Variants in PSG8 observed in about 807,000 individuals in gnomAD.
PSG8 encodes the protein pregnancy specific beta-1-glycoprotein 8.
In PSG8, 57 loss-of-function variants were observed where a neutral mutation model predicts 42.5. The observed-to-expected ratio is 1.34, with a 90% confidence interval of 1.08 to 1.67. The LOEUF is 1.67. PSG8 is among the 40% of genes most tolerant of loss of function. The pLI is 0.00. For synonymous variants in PSG8, 280 were observed against 196.8 expected (o/e 1.42, Z -3.54); for missense variants, 783 against 518.6 (o/e 1.51, Z -4.95).
chr19:42,757,073 A>G (rs1969945241), intron 3 of PSG8, among the ~76,000 whole-genome samples: 2 of 152,128 alleles, frequency 1.3e-5, no homozygotes, highest in Admixed American at 6.6e-5. Flanking sequence ...ACTTATTCCA[A>G]AATATTTTAT....
In PSG8 at chr19:42,759,584, C is replaced by G. The variant is rs538427591; in HGVS notation, c.431-1304G>C. Reference sequence around the variant, plus strand: ...CAGTGAGCACTTCTTTTTAGCATCACATCAGTGGTCAGAAGTGTTGAGTTT... The same window carrying G: ...CAGTGAGCACTTCTTTTTAGCATCAGATCAGTGGTCAGAAGTGTTGAGTTT... On this transcript the variant is annotated intron_variant, in intron 2 of 4. Coordinates refer to ENST00000306511, the MANE Select transcript of PSG8 (RefSeq NM_182707.3). Among the ~76,000 whole-genome samples, 158 of 152,248 alleles carry G rather than the reference C, an allele frequency of 1.0e-3. 2 individuals carry two copies. Among genetic ancestry groups the G allele is most frequent in the African/African-American group, 3.7e-3 (155 of 41,544 alleles).
intron 2 of PSG8, among the ~76,000 whole-genome samples, chr19:42,761,122 G>A (rs1970062368): frequency 6.6e-6 from 1 of 152,130 alleles, no homozygotes; most frequent in Non-Finnish European, 1.5e-5. Context: ...TCCGTGCAAA[G>A]ATTACAACAG....
At position 42,758,018 on chromosome 19, in the gene PSG8, G is replaced by A. The variant is rs779904614; in HGVS notation, c.693C>T (p.Phe231=). 1.2e-6 allele frequency: 2 copies of A among 1,614,074 alleles called. No individual in the cohort carries two copies. Among genetic ancestry groups the A allele is most frequent in the Non-Finnish European group, 1.7e-6 (2 of 1,179,962 alleles). ...AATACTCACGGAGGAGATTCAGGGT[G>A]AATGGGTCACTGCGGCTGGCACTCA... The part of the protein sequence containing the change: ...NPVSASRSDP[F]TLNLLPKLPK... The change falls in exon 3 of 5, where the codon TTC becomes TTT. Residue 231 remains phenylalanine, a synonymous_variant. Transcript: ENST00000306511.
intron 2 of PSG8, chr19:42,759,053 T>C (rs1970007475): frequency 6.6e-6 from 1 of 152,144 alleles, no homozygotes; most frequent in African/African-American, 2.4e-5. Flanking sequence ...GTGAGGACCA[T>C]GTGGATCTTT....
At chr19:42,764,425 C>A in intron 1 of PSG8, 144 bp from the exon 2 acceptor site, 1 of 1,395,738 alleles carries the variant, frequency 7.2e-7, no homozygotes, top group Non-Finnish European at 9.7e-7. Flanking sequence ...CACACACACA[C>A]ACAAAAGCGG....
rs765268200 is a variant in PSG8 at position 42,754,463 on chromosome 19, C to A, written c.1113G>T (p.Lys371Asn). 6.2e-7 allele frequency: 1 copy of A among 1,613,836 alleles called. No homozygotes were observed. The highest frequency in any genetic ancestry group is 1.3e-5 in the African/African-American group (1 of 74,904). ...AGAGCTTTTGTCCTGATAGCTGAAA[C>A]TTCCCATTAATTGTCCAAGAATACT... The part of the protein sequence containing the change: ...PAQYSWTING[K>N]FQLSGQKLFI... Residue 371 changes from lysine to asparagine, a missense_variant, in exon 5 of 5, where the codon AAG (lysine) becomes AAT (asparagine). Transcript: ENST00000306511.
rs780177782 is a variant in PSG8, at chr19:42,755,266, G to A, written c.710C>T (p.Pro237Leu). Reference sequence around the variant, plus strand: ...GGTGATGTAGGGCTTGGGCAGCTTCGCTGTGTGGATAACAGAGAGAAGATT... The same window carrying A: ...GGTGATGTAGGGCTTGGGCAGCTTCACTGTGTGGATAACAGAGAGAAGATT... Reference protein sequence around the residue: ...RSDPFTLNLLPKLPKPYITIN... With the variant: ...RSDPFTLNLLLKLPKPYITIN... Residue 237 changes from proline to leucine, a missense_variant and splice_region_variant, in exon 4 of 5, where the codon CCG becomes CTG. Physicochemically the swap from Pro to Leu is moderately conservative, Grantham distance 98. Transcript: ENST00000306511. The A allele has an allele frequency of 4.3e-5, 69 of 1,612,032 alleles. No homozygotes were observed. Among genetic ancestry groups the A allele is most frequent in the Middle Eastern group, 4.2e-4 (2 of 4,800 alleles).
chr19:42,754,510 C>T lies in PSG8; in HGVS notation c.1066G>A (p.Ala356Thr). 1 of 1,613,762 alleles carries T rather than the reference C, an allele frequency of 6.2e-7. No individual in the cohort carries two copies. Residue 356 changes from alanine to threonine, a missense_variant, in exon 5 of 5, where the codon GCG becomes ACG. Transcript: ENST00000306511. The stretch of plus-strand genomic sequence containing the variant: ...TACTGTGCCGGTGGGTTAGAGTCCG[C>T]AGAACAGGACAAGTAGAGGACTTCT... ...SGEVLYLSCSADSNPPAQYSW... is the reference protein window; with the variant it reads ...SGEVLYLSCSTDSNPPAQYSW...
intron 3 of PSG8, chr19:42,755,824 G>T (rs1230292999): frequency 6.3e-6 from 1 of 159,424 alleles, no homozygotes; most frequent in African/African-American, 2.4e-5. Flanking sequence ...CTGGAGGTCA[G>T]TTCAGTCATC....
intron 3 of PSG8, among the ~76,000 whole-genome samples, chr19:42,757,457 T>C (rs1329672869): frequency 1.3e-5 from 2 of 152,186 alleles, no homozygotes; most frequent in East Asian, 1.9e-4. Context: ...AGAACACTTG[T>C]GCTGATTGCT....
intron 2 of PSG8, among the ~76,000 whole-genome samples, chr19:42,759,951 C>T (rs549153318): frequency 5.3e-5 from 8 of 152,034 alleles, no homozygotes; most frequent in Admixed American, 2.6e-4. Context: ...TTAAAAGGAC[C>T]GAACTGGGTA....
At chr19:42,764,802 G>T (rs1260104987) in intron 1 of PSG8, among the ~76,000 whole-genome samples, 11 of 151,958 alleles carry the variant, frequency 7.2e-5, no homozygotes, top group Non-Finnish European at 1.3e-4. Context: ...TGTGATCTTG[G>T]TTGCACCCCA....
Position 42,756,386 on chromosome 19 carries a change from G to A in PSG8, c.710-1120C>T, listed in dbSNP as rs1969927252. 2.0e-5 allele frequency among the ~76,000 whole-genome samples: 3 copies of A among 152,146 alleles called. No individual in the cohort carries two copies. The South Asian group carries it at 6.2e-4, about 32-fold the overall frequency. On this transcript the variant is annotated intron_variant, in intron 3 of 4. Transcript: ENST00000306511. The stretch of plus-strand genomic sequence containing the variant: ...GGTGGGGAGGTTCTAGAGATCTGCT[G>A]TAGAGCTTGATGCCTATAGTTCACA...
intron 1 of PSG8, among the ~76,000 whole-genome samples, chr19:42,765,192 T>C (rs1468583548): frequency 1.3e-5 from 2 of 150,932 alleles, no homozygotes; most frequent in South Asian, 2.1e-4. Context: ...TCATACTGTC[T>C]CCCAGGCTGG....
At position 42,763,952 on chromosome 19, in the gene PSG8, T is replaced by C. The variant is rs1471501983; in HGVS notation, c.394A>G (p.Arg132Gly). Residue 132 changes from arginine to glycine, a missense_variant, in exon 2 of 5, where the codon AGA becomes GGA. Transcript: ENST00000306511. ...AAGGTGAAATGTCCAGTTACTCCTCTATTCTCATCACCTCCCATTATGATG... is the reference window on the plus strand; with the variant it reads ...AAGGTGAAATGTCCAGTTACTCCTCCATTCTCATCACCTCCCATTATGATG... The part of the protein sequence containing the change: ...LHIIMGGDEN[R>G]GVTGHFTFTL... 5.0e-6 allele frequency: 8 copies of C among 1,613,586 alleles called. No individual in the cohort carries two copies. The South Asian group carries it at 5.5e-5, about 11-fold the overall frequency.
At position 42,754,266 on chromosome 19, in the gene PSG8, C is replaced by G. The variant is rs771295135; in HGVS notation, c.*29G>C. ...GCTGGGAATAAAAATGTTTTCCTGA[C>G]TCTTCCCTGAAGGCCAGATAGACTC... On this transcript the variant is annotated 3_prime_UTR_variant, in exon 5 of 5. Coordinates refer to ENST00000306511, the MANE Select transcript of PSG8 (RefSeq NM_182707.3). 6 of 1,607,106 alleles carry G rather than the reference C, an allele frequency of 3.7e-6. No individual in the cohort carries two copies. Among genetic ancestry groups the G allele is most frequent in the Non-Finnish European group, 5.1e-6 (6 of 1,176,682 alleles).
intron 3 of PSG8, among the ~76,000 whole-genome samples, chr19:42,756,318 A>G (rs182581726): frequency 1.3e-5 from 2 of 152,278 alleles, no homozygotes; most frequent in Admixed American, 1.3e-4. Context: ...GGGAGTGGGG[A>G]GAATCAGAAG....
downstream of PSG8, chr19:42,753,279 C>G: frequency 1.3e-6 from 1 of 779,828 alleles, no homozygotes; most frequent in African/African-American, 1.7e-5. Flanking sequence ...CCACCTCCAG[C>G]TTATAGGGCT....
downstream of PSG8, chr19:42,753,394 A>G: frequency 1.3e-6 from 1 of 779,546 alleles, no homozygotes; most frequent in East Asian, 2.4e-5. Flanking sequence ...TGGATAATAA[A>G]AACACAGAAA....
Sources: gnomAD v4.1 joint callset for allele counts (sites outside exome capture counted in the v4.1 genomes callset) on GRCh38, gnomAD v4.1.1 for gene constraint, MANE v1.5 for transcripts, NCBI Gene and HGNC (gene_info 2026-07-23, HGNC 2026-07-21) for gene names.